The following FNTB variants were observed in gnomAD, a reference collection of about 807,000 sequenced individuals.
The protein encoded by FNTB is protein farnesyltransferase subunit beta.
In FNTB, 27 loss-of-function variants were observed where a neutral mutation model predicts 59.4. The ratio of observed to expected loss-of-function variants is 0.45; its 90% confidence interval spans 0.34 to 0.63. The LOEUF is 0.63. Among genes scored for constraint, FNTB ranks in the 20% least tolerant of loss-of-function variants. The pLI, the probability that FNTB is intolerant of heterozygous loss-of-function variation, is 0.02. For missense variants in FNTB, 449 were observed against 559.6 expected, an observed-to-expected ratio of 0.80 and a Z score of 1.99; for synonymous variants, 230 against 220.7, an observed-to-expected ratio of 1.04 and a Z score of -0.37.
intron 1 of FNTB, chr14:65,003,880 A>G (rs1298309113): frequency 6.4e-6 from 1 of 155,958 alleles, no homozygotes; most frequent in Non-Finnish European, 1.4e-5. Context: ...AGTTTCTCAA[A>G]ATAATCCTTA....
At chr14:65,040,660 T>G in intron 7 of FNTB, 130 bp from the exon 8 acceptor site, 1 of 1,082,892 alleles carries the variant, frequency 9.2e-7, no homozygotes, top group Non-Finnish European at 1.2e-6. Context: ...AGTTGGCATC[T>G]TTTCATTCAT....
In FNTB at chr14:65,053,347, C is replaced by A. The variant is rs148608658; in HGVS notation, c.1065C>A (p.Gly355=). The A allele has an allele frequency of 2.5e-5, 36 of 1,424,372 alleles. No individual in the cohort carries two copies. In the African/African-American group the frequency reaches 5.1e-4, roughly 20 times the overall value. The allele number at this position is 1,424,372 out of a possible 1,614,324, so 88.2% of individuals were successfully genotyped here. A position where few individuals can be genotyped will look rare whatever the true frequency, so the allele number is the denominator to read the frequency against. ...CGGGGGGGCTTCTGGATAAACCTGG[C>A]AAGTGAGTGTTTTCTCTCTGGGGAG... ...CPAGGLLDKP[G]KSRDFYHTCY... is the part of the protein sequence containing the mutation. Residue 355 remains glycine (G), a splice_region_variant and synonymous_variant, in exon 10 of 12, where the codon GGC becomes GGA. Transcript: ENST00000246166.
At chr14:65,017,693 G>A (rs1014602479) in intron 4 of FNTB, among the ~76,000 whole-genome samples, 5 of 151,834 alleles carry the variant, frequency 3.3e-5, no homozygotes, top group African/African-American at 9.7e-5. Flanking sequence ...GGTGGCTCAC[G>A]CCTGTAATCC....
chr14:64,996,766 C>CTTTTTTT lies in FNTB; in HGVS notation c.145-7468_145-7462dup, dbSNP rs34327825. Among the ~76,000 whole-genome samples the CTTTTTTT allele has an allele frequency of 2.0e-3, 186 of 94,276 alleles. 1 individual carries two copies. The highest frequency in any genetic ancestry group is 6.1e-3 in the Middle Eastern group (1 of 164). The allele number at this position is 94,276 out of a possible 152,430, so 61.8% of individuals were successfully genotyped here. On this transcript the variant is annotated intron_variant, in intron 1 of 11. Coordinates refer to ENST00000246166, the MANE Select transcript of FNTB (RefSeq NM_002028.4). ...ACTGAGAATTAACATTTGCTAACAT[C>CTTTTTTT]TTTTTTTTTTTTTTTTTTTTTGCTT...
At chr14:65,019,463 G>T (rs1489577391) in intron 4 of FNTB, among the ~76,000 whole-genome samples, 1 of 152,044 alleles carries the variant, frequency 6.6e-6, no homozygotes, top group Non-Finnish European at 1.5e-5. Flanking sequence ...CTCCAGCCTG[G>T]GTAACAGAAG....
intron 1 of FNTB, among the ~76,000 whole-genome samples, chr14:65,002,626 TA>T (rs201820812): frequency 0.13 from 19,016 of 150,284 alleles, 1,283 homozygotes; most frequent in Admixed American, 0.17. Flanking sequence ...AATAATAAAA[TA>T]AAAAAAAAGA....
rs978650461 is a variant in FNTB, at chr14:65,053,403, G to C, written c.1067+54G>C. 56 of 1,323,982 alleles carry C rather than the reference G, an allele frequency of 4.2e-5. No individual in the cohort carries two copies. In the East Asian group the frequency reaches 8.0e-4, roughly 19 times the overall value. 82.0% of individuals were successfully genotyped at this position (1,323,982 alleles called of 1,614,324 possible). On this transcript the variant is annotated intron_variant, in intron 10 of 11. Coordinates refer to ENST00000246166, the MANE Select transcript of FNTB (RefSeq NM_002028.4). ...GGAGAGGGGAGGAGAGAGCAGAGGG[G>C]CGTGCACCTCAGGCCTACTCAGAGC...
rs1323467017 is a variant in FNTB, at chr14:65,031,167, A to G, written c.606-1443A>G. On this transcript the variant is annotated intron_variant, in intron 6 of 11. Transcript: ENST00000246166. This position sits in a 1 kb window ranked among gnomAD's most constrained non-coding sequence, Gnocchi z 4.6. Reference sequence around the variant, plus strand: ...GATTTTTGTCTTCCCTGTGCCGGGTATTTGAAAAAACCATAGAGGGGAAGG... The same window carrying G: ...GATTTTTGTCTTCCCTGTGCCGGGTGTTTGAAAAAACCATAGAGGGGAAGG... Among the ~76,000 whole-genome samples, 1 of 152,092 alleles carries G rather than the reference A, an allele frequency of 6.6e-6. No homozygotes were observed. The highest frequency in any genetic ancestry group is 1.5e-5 in the Non-Finnish European group (1 of 68,014).
rs993607346 is a variant in FNTB at position 65,007,932 on chromosome 14, A to G, written c.209+3619A>G. On this transcript the variant is annotated intron_variant, in intron 2 of 11. Transcript: ENST00000246166. This position sits in a 1 kb window ranked among gnomAD's most constrained non-coding sequence, Gnocchi z 4.9. ...ATAGAGCCCTGGAGGTTAAGTGCTGACAATGGCTCTGAAGCCAGAATACTC... is the reference window on the plus strand; with the variant it reads ...ATAGAGCCCTGGAGGTTAAGTGCTGGCAATGGCTCTGAAGCCAGAATACTC... Among the ~76,000 whole-genome samples the G allele has an allele frequency of 2.6e-5, 4 of 152,208 alleles. No homozygotes were observed. The highest frequency in any genetic ancestry group is 2.9e-5 in the Non-Finnish European group (2 of 68,038).
In FNTB at chr14:65,027,318, C is replaced by A; in HGVS notation, c.375-135C>A. ...CCCTTTGGGGAGAGGTTATATTCAA[C>A]AAGTGGGAGGAGAGGTTCCCCTCAA... On this transcript the variant is annotated intron_variant, in intron 4 of 11. Transcript: ENST00000246166. The surrounding 1 kb of genome is among the most constrained non-coding windows in gnomAD (Gnocchi z 5.7). 7.2e-7 allele frequency: 1 copy of A among 1,380,896 alleles called. No individual in the cohort carries two copies. Among genetic ancestry groups the A allele is most frequent in the Non-Finnish European group, 9.9e-7 (1 of 1,011,954 alleles). The allele number at this position is 1,380,896 out of a possible 1,614,324, so 85.5% of individuals were successfully genotyped here. A position where few individuals can be genotyped will look rare whatever the true frequency, so the allele number is the denominator to read the frequency against.
chr14:64,995,397 C>G (rs1452644649), intron 1 of FNTB, among the ~76,000 whole-genome samples: 1 of 152,114 alleles, frequency 6.6e-6, no homozygotes, highest in Non-Finnish European at 1.5e-5. Context: ...GTGTTATGTA[C>G]TGTACATAAT....
chr14:65,057,353 C>T (rs2062759067), intron 11 of FNTB, among the ~76,000 whole-genome samples: 1 of 152,108 alleles, frequency 6.6e-6, no homozygotes, highest in African/African-American at 2.4e-5. Context: ...CGCTTGAGCC[C>T]AGGTAGTCAA....
Position 65,011,518 on chromosome 14 carries a change from A to G in FNTB, c.210-799A>G, listed in dbSNP as rs2061683807. ...AATTTGATAAACAATTGTGGAATTGACTACCTAGCAAAGGGAATGGTTCTC... is the reference window on the plus strand; with the variant it reads ...AATTTGATAAACAATTGTGGAATTGGCTACCTAGCAAAGGGAATGGTTCTC... On this transcript the variant is annotated intron_variant, in intron 2 of 11. Coordinates refer to ENST00000246166, the MANE Select transcript of FNTB (RefSeq NM_002028.4). This position sits in a 1 kb window ranked among gnomAD's most constrained non-coding sequence, Gnocchi z 4.0. 6.6e-6 allele frequency among the ~76,000 whole-genome samples: 1 copy of G among 151,578 alleles called. No individual in the cohort carries two copies. Among genetic ancestry groups the G allele is most frequent in the Non-Finnish European group, 1.5e-5 (1 of 67,980 alleles).
chr14:65,004,457 G>T, intron 2 of FNTB, 144 bp downstream of exon 2: 1 of 843,416 alleles, frequency 1.2e-6, no homozygotes, highest in Non-Finnish European at 1.9e-6. Flanking sequence ...ACCTGGATAT[G>T]CTAAGACCCC....
At chr14:65,037,795 T>G (rs1403907003) in intron 7 of FNTB, among the ~76,000 whole-genome samples, 2 of 137,796 alleles carry the variant, frequency 1.5e-5, no homozygotes, top group South Asian at 2.3e-4. Flanking sequence ...TTTATTTATT[T>G]ATTGAGATGG....
At position 65,012,280 on chromosome 14, in the gene FNTB, C is replaced by G; in HGVS notation, c.210-37C>G. 6.2e-7 allele frequency: 1 copy of G among 1,613,142 alleles called. No individual in the cohort carries two copies. The highest frequency in any genetic ancestry group is 8.5e-7 in the Non-Finnish European group (1 of 1,179,308). ...TACGTGTGTATGGTGGAAGCATAAG[C>G]TATTAGAATGGGCTTATAAACTGTT... On this transcript the variant is annotated intron_variant, in intron 2 of 11. Transcript: ENST00000246166. The surrounding 1 kb of genome is among the most constrained non-coding windows in gnomAD (Gnocchi z 5.0).
At position 64,997,044 on chromosome 14, in the gene FNTB, CAG is replaced by C. The variant is rs765947648; in HGVS notation, c.145-7202_145-7201del. On this transcript the variant is annotated intron_variant, in intron 1 of 11. Coordinates refer to ENST00000246166, the MANE Select transcript of FNTB (RefSeq NM_002028.4). This position sits in a 1 kb window ranked among gnomAD's most constrained non-coding sequence, Gnocchi z 4.5. ...TTCACAGTAAAAAAAAAAATAGAAA[CAG>C]AGTCTTGCTTGATCAGTTGGAGTCT... Among the ~76,000 whole-genome samples, 1 of 151,652 alleles carries C rather than the reference CAG, an allele frequency of 6.6e-6. No homozygotes were observed. The highest frequency in any genetic ancestry group is 1.5e-5 in the Non-Finnish European group (1 of 67,932).
intron 1 of FNTB, among the ~76,000 whole-genome samples, chr14:64,998,029 T>A (rs904457333): frequency 5.9e-5 from 9 of 152,244 alleles, no homozygotes; most frequent in African/African-American, 2.2e-4. Context: ...TATTCTGGTC[T>A]CCTGCACATT....
rs1255905403 is a variant in FNTB at position 65,061,607 on chromosome 14, A to G, written c.*295A>G. The G allele has an allele frequency of 6.4e-6, 2 of 313,246 alleles. No homozygotes were observed. The highest frequency in any genetic ancestry group is 1.2e-4 in the East Asian group (2 of 16,720). 19.4% of individuals were successfully genotyped at this position (313,246 alleles called of 1,614,324 possible). A position where few individuals can be genotyped will look rare whatever the true frequency, so the allele number is the denominator to read the frequency against. On this transcript the variant is annotated 3_prime_UTR_variant, in exon 12 of 12. Transcript: ENST00000246166. ...GTCCCTCCTCACCAGCTCTCCAGCC[A>G]GGACGATCACACAGAGATGAATGGC...
Sources: allele counts gnomAD v4.1 joint callset (sites outside exome capture counted in the v4.1 genomes callset), GRCh38; gene constraint gnomAD v4.1.1; non-coding constraint Gnocchi (gnomAD v3.1); transcripts MANE v1.5; gene names NCBI Gene and HGNC (gene_info 2026-07-23, HGNC 2026-07-21).